MEGF11: variants seen among roughly 807,000 people sequenced by gnomAD.
The protein encoded by MEGF11 is multiple epidermal growth factor-like domains protein 11.
In MEGF11, 126 loss-of-function variants were observed where a neutral mutation model predicts 146.6. The ratio of observed to expected loss-of-function variants is 0.86; its 90% CI spans 0.74 to 1.00. MEGF11 has a LOEUF of 1.00. Ranked by LOEUF, MEGF11 falls within the 50% of genes least tolerant of loss-of-function variation. The probability of loss-of-function intolerance (pLI) is 0.00; values close to 1 mark genes in which losing one functional copy is unlikely to be tolerated. For synonymous variants in MEGF11, 532 were observed against 583.4 expected (o/e 0.91, Z 1.27); for missense variants, 1,509 against 1,521.2 (o/e 0.99, Z 0.13).
intron 11 of MEGF11, 83 bp downstream of exon 11, chr15:65,930,740 C>T: frequency 6.8e-7 from 1 of 1,462,684 alleles, no homozygotes; most frequent in South Asian, 1.5e-5. Context: ...GGGGCAGCCC[C>T]ACCTGAGACC....
At chr15:65,974,160 C>T (rs144153958) in intron 7 of MEGF11, among the ~76,000 whole-genome samples, 81 of 152,236 alleles carry the variant, frequency 5.3e-4, no homozygotes, top group African/African-American at 1.9e-3. Context: ...GAAAATTGTG[C>T]CAGACCAGAG....
At chr15:66,210,062 G>A (rs2091405420) in intron 1 of MEGF11, among the ~76,000 whole-genome samples, 1 of 152,104 alleles carries the variant, frequency 6.6e-6, no homozygotes, top group Non-Finnish European at 1.5e-5. Context: ...CTGAGTTCAA[G>A]CGATCCTTCT....
intron 1 of MEGF11, among the ~76,000 whole-genome samples, chr15:66,145,729 G>A (rs372723395): frequency 6.6e-6 from 1 of 152,332 alleles, no homozygotes; most frequent in African/African-American, 2.4e-5. Context: ...CTGGCTCCAT[G>A]TTGTGGTTAA....
chr15:66,110,531 C>A (rs1046500142), intron 4 of MEGF11, among the ~76,000 whole-genome samples: 1 of 152,196 alleles, frequency 6.6e-6, no homozygotes, highest in Admixed American at 6.5e-5. Flanking sequence ...GTGATGGCAT[C>A]TCTCCCGCTA....
chr15:66,235,007 A>G (rs2092058658), intron 1 of MEGF11, among the ~76,000 whole-genome samples: 1 of 151,998 alleles, frequency 6.6e-6, no homozygotes, highest in South Asian at 2.1e-4. Context: ...GCTCTTTCCT[A>G]TGCTTCCACA....
chr15:66,087,644 CAAA>C (rs1172744495), intron 5 of MEGF11, among the ~76,000 whole-genome samples: 3 of 152,300 alleles, frequency 2.0e-5, no homozygotes, highest in East Asian at 1.9e-4. Context: ...CACAACCTAT[CAAA>C]ACCTCTGGGA....
intron 1 of MEGF11, among the ~76,000 whole-genome samples, chr15:66,237,084 C>T (rs571806100): frequency 7.7e-4 from 118 of 152,314 alleles, no homozygotes; most frequent in African/African-American, 2.7e-3. Context: ...CATCACACCT[C>T]GTCACACTAG....
At chr15:66,240,195 C>T (rs1254887526) in intron 1 of MEGF11, among the ~76,000 whole-genome samples, 2 of 152,230 alleles carry the variant, frequency 1.3e-5, no homozygotes, top group Non-Finnish European at 2.9e-5. Flanking sequence ...GGGTGTCCAG[C>T]AGGGCCTTGC....
At chr15:66,046,709 T>C (rs333602) in intron 5 of MEGF11, among the ~76,000 whole-genome samples, 149,111 of 152,324 alleles carry the variant, frequency 0.98, 73,066 homozygotes, top group Middle Eastern at 1. Flanking sequence ...CCCAGAGCAG[T>C]GATGAGGAGA....
chr15:65,925,225 G>A (rs1343956718), intron 13 of MEGF11, among the ~76,000 whole-genome samples: 1 of 152,206 alleles, frequency 6.6e-6, no homozygotes, highest in Non-Finnish European at 1.5e-5. Context: ...TAAAAGTATA[G>A]CTACTCTCAT....
intron 10 of MEGF11, among the ~76,000 whole-genome samples, chr15:65,932,991 G>A (rs1321164276): frequency 6.6e-6 from 1 of 152,126 alleles, no homozygotes; most frequent in Non-Finnish European, 1.5e-5. Flanking sequence ...GCATAAAGGA[G>A]CTCCCTTCTC....
chr15:66,054,308 A>G (rs2084588907), intron 5 of MEGF11, among the ~76,000 whole-genome samples: 1 of 152,098 alleles, frequency 6.6e-6, no homozygotes, highest in South Asian at 2.1e-4. Flanking sequence ...CTTGGTTTAA[A>G]ATTCTCTGCA....
chr15:65,939,543 G>A (rs1306785753), intron 10 of MEGF11, among the ~76,000 whole-genome samples: 3 of 147,122 alleles, frequency 2.0e-5, no homozygotes, highest in Non-Finnish European at 4.5e-5. Flanking sequence ...CGCCCAGGCT[G>A]GAGTGCAATG....
intron 1 of MEGF11, among the ~76,000 whole-genome samples, chr15:66,224,673 TATATATA>T (rs1567290388): frequency 1.5e-3 from 213 of 146,260 alleles, no homozygotes; most frequent in African/African-American, 5.0e-3. Context: ...AGTATATATT[TATATATA>T]ATATATAAAG....
In MEGF11 at chr15:65,955,792, A is replaced by ATATATG. The variant is rs1391789752; in HGVS notation, c.1287+1754_1287+1755insCATATA. 2.6e-3 allele frequency among the ~76,000 whole-genome samples: 54 copies of ATATATG among 20,612 alleles called. 2 individuals are homozygous for ATATATG. Among genetic ancestry groups the ATATATG allele is most frequent in the African/African-American group, 5.6e-3 (51 of 9,178 alleles). The allele number at this position is 20,612 out of a possible 152,430, so 13.5% of individuals were successfully genotyped here. Reference sequence around the variant, plus strand: ...TATATATATATATATATATATATATATACACACACACACACACACACAATA... The same window carrying ATATATG: ...TATATATATATATATATATATATATATATATGTACACACACACACACACACACAATA... On this transcript the variant is annotated intron_variant, in intron 10 of 25. Transcript: ENST00000395614.
At chr15:66,230,262 C>A (rs1262187101) in intron 1 of MEGF11, among the ~76,000 whole-genome samples, 1 of 152,280 alleles carries the variant, frequency 6.6e-6, no homozygotes, top group African/African-American at 2.4e-5. Context: ...ATTGCCTGCT[C>A]CCTTGTCTGG....
intron 5 of MEGF11, among the ~76,000 whole-genome samples, chr15:66,036,135 CGGG>C (rs2083717692): frequency 6.6e-6 from 1 of 152,260 alleles, no homozygotes; most frequent in Admixed American, 6.5e-5. Context: ...CTTCAACCAA[CGGG>C]AACAGGGATC....
chr15:66,123,074 T>C (rs577579202), intron 3 of MEGF11, among the ~76,000 whole-genome samples: 22 of 152,290 alleles, frequency 1.4e-4, no homozygotes, highest in East Asian at 5.8e-4. Flanking sequence ...TGAGCCACCG[T>C]GCCTGGCCAG....
intron 3 of MEGF11, among the ~76,000 whole-genome samples, chr15:66,121,506 C>T (rs1255766814): frequency 6.6e-6 from 1 of 152,166 alleles, no homozygotes; most frequent in Admixed American, 6.5e-5. Flanking sequence ...AGGACAAAAG[C>T]AGGCTGATAC....
Sources: gnomAD v4.1 joint callset for allele counts (sites outside exome capture counted in the v4.1 genomes callset) on GRCh38, gnomAD v4.1.1 for gene constraint, MANE v1.5 for transcripts, NCBI Gene and HGNC (gene_info 2026-07-23, HGNC 2026-07-21) for gene names.